Variants in SPAG16 observed in about 807,000 individuals in gnomAD.
The protein encoded by SPAG16 is sperm associated antigen 16.
SPAG16 carries 86 observed loss-of-function variants against 80.4 expected under a neutral mutation model. The ratio of observed to expected loss-of-function variants is 1.07; its 90% CI spans 0.90 to 1.28. The LOEUF is 1.28. Ranked by LOEUF, SPAG16 falls within the 50% of genes most tolerant of loss-of-function variation. SPAG16 has a pLI of 0.00. For synonymous variants in SPAG16, 294 were observed against 265.9 expected, an observed-to-expected ratio of 1.11 and a Z score of -1.03; for missense variants, 870 against 765.3, an observed-to-expected ratio of 1.14 and a Z score of -1.61.
intron 13 of SPAG16, among the ~76,000 whole-genome samples, chr2:214,036,277 A>G (rs1387813521): frequency 2.0e-5 from 3 of 152,130 alleles, no homozygotes; most frequent in Non-Finnish European, 4.4e-5. Context: ...TAATTCTTTG[A>G]GCACTCTCCC....
chr2:213,342,861 G>A (rs2064771814), intron 6 of SPAG16, among the ~76,000 whole-genome samples: 1 of 151,658 alleles, frequency 6.6e-6, no homozygotes, highest in Admixed American at 6.6e-5. Context: ...AAATGAGCAG[G>A]ATGATCAACC....
At chr2:213,661,083 C>T (rs1454513397) in intron 10 of SPAG16, among the ~76,000 whole-genome samples, 1 of 152,148 alleles carries the variant, frequency 6.6e-6, no homozygotes, top group Non-Finnish European at 1.5e-5. Context: ...ATATAGGTAG[C>T]CTTGGTCCAT....
intron 10 of SPAG16, among the ~76,000 whole-genome samples, chr2:213,675,619 C>G (rs1420189510): frequency 6.6e-6 from 1 of 152,122 alleles, no homozygotes; most frequent in Non-Finnish European, 1.5e-5. Flanking sequence ...GCCAGTTTTC[C>G]CAGCACTATT....
chr2:214,195,345 T>A (rs1487105251), intron 15 of SPAG16, among the ~76,000 whole-genome samples: 1 of 28,614 alleles, frequency 3.5e-5, no homozygotes, highest in Admixed American at 3.3e-4. Flanking sequence ...ATTTGAGAGA[T>A]ATATAGACTT....
intron 10 of SPAG16, among the ~76,000 whole-genome samples, chr2:213,763,011 G>C (rs79745791): frequency 1.7e-3 from 253 of 152,236 alleles, no homozygotes; most frequent in Non-Finnish European, 2.7e-3. Flanking sequence ...ACATAAAAAT[G>C]TTCAACAGGT....
At chr2:213,642,302 A>C (rs540049986) in intron 10 of SPAG16, among the ~76,000 whole-genome samples, 1 of 152,316 alleles carries the variant, frequency 6.6e-6, no homozygotes, top group Admixed American at 6.5e-5. Context: ...GTGAATCTCC[A>C]CATGCTAGTT....
chr2:214,320,781 A>C (rs1372894398), intron 15 of SPAG16, among the ~76,000 whole-genome samples: 1 of 152,228 alleles, frequency 6.6e-6, no homozygotes, highest in Non-Finnish European at 1.5e-5. Flanking sequence ...CTCCCTTGAC[A>C]CATGAAGATT....
chr2:214,135,390 T>C (rs1480430840), intron 14 of SPAG16, among the ~76,000 whole-genome samples: 7 of 152,224 alleles, frequency 4.6e-5, no homozygotes, highest in African/African-American at 1.7e-4. Context: ...GTGGTACTTG[T>C]TGACATGCTC....
chr2:213,599,863 G>A (rs1259007), intron 10 of SPAG16, among the ~76,000 whole-genome samples: 40 of 152,156 alleles, frequency 2.6e-4, no homozygotes, highest in African/African-American at 9.6e-4. Context: ...CACCATGACC[G>A]GCTAATTTTT....
chr2:213,736,328 C>A (rs991594883), intron 10 of SPAG16, among the ~76,000 whole-genome samples: 1 of 152,072 alleles, frequency 6.6e-6, no homozygotes. Flanking sequence ...GAGTCTCACT[C>A]TGTCACCCAG....
chr2:213,473,110 T>C (rs1004452062), intron 9 of SPAG16, among the ~76,000 whole-genome samples: 5 of 152,222 alleles, frequency 3.3e-5, no homozygotes, highest in African/African-American at 1.2e-4. Flanking sequence ...GTAGAAGTTT[T>C]CTGCTTATAT....
chr2:214,225,012 A>G (rs2058668896), intron 15 of SPAG16, among the ~76,000 whole-genome samples: 1 of 152,152 alleles, frequency 6.6e-6, no homozygotes, highest in South Asian at 2.1e-4. Flanking sequence ...GAATTTGTTC[A>G]TTTTTATTGA....
At chr2:214,225,273 T>C (rs2058675599) in intron 15 of SPAG16, among the ~76,000 whole-genome samples, 1 of 152,168 alleles carries the variant, frequency 6.6e-6, no homozygotes, top group Non-Finnish European at 1.5e-5. Flanking sequence ...TGGGGACCTT[T>C]TTTTTCTTTT....
At chr2:214,168,292 A>T (rs1444750736) in intron 15 of SPAG16, among the ~76,000 whole-genome samples, 2 of 152,020 alleles carry the variant, frequency 1.3e-5, no homozygotes, top group Admixed American at 1.3e-4. Flanking sequence ...GCGCCTAGAC[A>T]GTTCCTTAAT....
intron 9 of SPAG16, among the ~76,000 whole-genome samples, chr2:213,434,040 C>G (rs1463271083): frequency 2.6e-5 from 4 of 151,396 alleles, no homozygotes; most frequent in Non-Finnish European, 5.9e-5. Context: ...CCTGCCCTAG[C>G]CTCCTGAGTA....
intron 10 of SPAG16, among the ~76,000 whole-genome samples, chr2:213,520,188 C>G (rs10932486): frequency 0.27 from 40,762 of 151,886 alleles, 6,352 homozygotes; most frequent in Middle Eastern, 0.44. Context: ...TGGCAACCAC[C>G]AGAAGTTAGG....
At chr2:214,054,171 G>A (rs923214039) in intron 13 of SPAG16, among the ~76,000 whole-genome samples, 2 of 151,960 alleles carry the variant, frequency 1.3e-5, no homozygotes, top group African/African-American at 2.4e-5. Context: ...CCCCATACCC[G>A]GCTAATTTTT....
intron 13 of SPAG16, among the ~76,000 whole-genome samples, chr2:214,092,628 T>G (rs576862211): frequency 6.6e-6 from 1 of 152,202 alleles, no homozygotes; most frequent in African/African-American, 2.4e-5. Flanking sequence ...AAAGCTTTAT[T>G]TAAAATTTTG....
intron 10 of SPAG16, among the ~76,000 whole-genome samples, chr2:213,776,484 A>T (rs1034466098): frequency 9.2e-5 from 14 of 152,340 alleles, no homozygotes; most frequent in African/African-American, 2.9e-4. Context: ...GCTAATCTAT[A>T]GAAGTGGAAG....
Sources: gnomAD v4.1 joint callset for allele counts (sites outside exome capture counted in the v4.1 genomes callset) on GRCh38, gnomAD v4.1.1 for gene constraint, MANE v1.5 for transcripts, NCBI Gene and HGNC (gene_info 2026-07-23, HGNC 2026-07-21) for gene names.